ANO4: variants seen among roughly 807,000 people sequenced by gnomAD.
ANO4 encodes anoctamin 4, also known as anoctamin-4.
In ANO4, 69 loss-of-function variants were observed where a neutral mutation model predicts 141.9. The observed-to-expected ratio is 0.49, with a 90% CI of 0.40 to 0.59. ANO4 has a LOEUF of 0.59. Ranked by LOEUF, ANO4 falls within the 20% of genes least tolerant of loss-of-function variation. The pLI is 0.00. For synonymous variants in ANO4, 350 were observed against 394.3 expected (o/e 0.89, Z 1.33); for missense variants, 894 against 1,162.2 (o/e 0.77, Z 3.36).
At chr12:100,959,981 C>G (rs1311015025) in intron 5 of ANO4, among the ~76,000 whole-genome samples, 4 of 152,112 alleles carry the variant, frequency 2.6e-5, no homozygotes, top group Non-Finnish European at 5.9e-5. Flanking sequence ...GAGGAATGCT[C>G]TTTGCTGCGA....
intron 2 of ANO4, among the ~76,000 whole-genome samples, chr12:100,919,749 T>TATCTATC (rs2041541529): frequency 6.9e-6 from 1 of 144,530 alleles, no homozygotes; most frequent in African/African-American, 2.9e-5. Context: ...TCTATCTATC[T>TATCTATC]ATCTATCTAT....
chr12:100,909,323 A>C (rs776642429), intron 2 of ANO4, among the ~76,000 whole-genome samples: 36 of 152,216 alleles, frequency 2.4e-4, no homozygotes, highest in South Asian at 1.0e-3. Flanking sequence ...TTGGTTGGAC[A>C]GACAGTGCTG....
At chr12:100,887,704 T>C (rs2039906059) in intron 1 of ANO4, among the ~76,000 whole-genome samples, 1 of 152,218 alleles carries the variant, frequency 6.6e-6, no homozygotes, top group African/African-American at 2.4e-5. Flanking sequence ...GAGAAAGCTC[T>C]TGACAAATAT....
At chr12:100,941,737 ATAATGT>A (rs2042519828) in intron 4 of ANO4, among the ~76,000 whole-genome samples, 1 of 150,908 alleles carries the variant, frequency 6.6e-6, no homozygotes, top group Non-Finnish European at 1.5e-5. Flanking sequence ...GTTTTGCAAG[ATAATGT>A]TAATGTGTTT....
At chr12:101,012,834 G>T (rs1447386534) in intron 8 of ANO4, among the ~76,000 whole-genome samples, 2 of 152,144 alleles carry the variant, frequency 1.3e-5, no homozygotes, top group African/African-American at 4.8e-5. Flanking sequence ...GTCAGATTCA[G>T]GATAATATTT....
At chr12:100,926,106 T>C (rs1246828108) in intron 3 of ANO4, among the ~76,000 whole-genome samples, 1 of 152,124 alleles carries the variant, frequency 6.6e-6, no homozygotes, top group African/African-American at 2.4e-5. Context: ...TATTTAATTG[T>C]ATGTTCATCC....
At chr12:100,762,283 T>C (rs539649317) in intron 3 of ANO4, among the ~76,000 whole-genome samples, 1 of 152,280 alleles carries the variant, frequency 6.6e-6, no homozygotes, top group South Asian at 2.1e-4. Flanking sequence ...CCACCTTTTT[T>C]CCTGATAGAG....
chr12:100,852,979 A>G (rs1295579289), intron 1 of ANO4, among the ~76,000 whole-genome samples: 2 of 152,152 alleles, frequency 1.3e-5, no homozygotes, highest in Admixed American at 6.5e-5. Flanking sequence ...GAACAATTTA[A>G]TCATTCATGT....
chr12:100,952,893 A>G (rs1456524369), intron 5 of ANO4, among the ~76,000 whole-genome samples: 1 of 152,224 alleles, frequency 6.6e-6, no homozygotes, highest in African/African-American at 2.4e-5. Flanking sequence ...ATCTTGATTT[A>G]TTCAAAGGAT....
chr12:101,069,960 G>A (rs916331958), intron 14 of ANO4, among the ~76,000 whole-genome samples: 38 of 151,780 alleles, frequency 2.5e-4, no homozygotes, highest in African/African-American at 9.2e-4. Flanking sequence ...TTTGGCGTTT[G>A]TTTTTTTATA....
chr12:100,934,583 T>G (rs573877183), intron 3 of ANO4, among the ~76,000 whole-genome samples: 1 of 152,328 alleles, frequency 6.6e-6, no homozygotes, highest in East Asian at 1.9e-4. Context: ...GGCTCTTTTT[T>G]GGTTCCATAT....
At chr12:100,889,420 G>T (rs2039996987) in intron 1 of ANO4, among the ~76,000 whole-genome samples, 1 of 152,084 alleles carries the variant, frequency 6.6e-6, no homozygotes, top group Admixed American at 6.6e-5. Context: ...TGGGTCAAGT[G>T]GTATTTCTAG....
At chr12:101,083,869 A>G in intron 16 of ANO4, 51 bp downstream of exon 16, 7 of 1,442,960 alleles carry the variant, frequency 4.9e-6, no homozygotes, top group Non-Finnish European at 6.5e-6. Flanking sequence ...AACCTATAGC[A>G]TAATAACAGT....
intron 7 of ANO4, among the ~76,000 whole-genome samples, chr12:100,981,353 C>A (rs1320099342): frequency 2.0e-5 from 3 of 151,890 alleles, no homozygotes; most frequent in Non-Finnish European, 4.4e-5. Context: ...AAAACAAATT[C>A]ATGCCTCTGC....
intron 3 of ANO4, among the ~76,000 whole-genome samples, chr12:100,766,220 A>G (rs1476976022): frequency 1.3e-5 from 2 of 152,060 alleles, no homozygotes; most frequent in Admixed American, 6.6e-5. Flanking sequence ...TTAAAGCTAT[A>G]TAGTATTCTG....
intron 3 of ANO4, among the ~76,000 whole-genome samples, chr12:100,939,112 A>G (rs1384909478): frequency 6.6e-6 from 1 of 152,146 alleles, no homozygotes; most frequent in East Asian, 1.9e-4. Context: ...ATTTTCCTTA[A>G]TCTTGCCTAA....
chr12:101,029,441 G>T (rs2046876426), intron 9 of ANO4, among the ~76,000 whole-genome samples: 1 of 152,122 alleles, frequency 6.6e-6, no homozygotes, highest in Non-Finnish European at 1.5e-5. Flanking sequence ...CCCATCTCAT[G>T]TGCAAAGACC....
At chr12:101,022,237 C>T (rs1309826601) in intron 9 of ANO4, among the ~76,000 whole-genome samples, 3 of 152,172 alleles carry the variant, frequency 2.0e-5, no homozygotes, top group African/African-American at 7.2e-5. Context: ...TTTAGTTAAA[C>T]ACATTCCCAT....
intron 2 of ANO4, among the ~76,000 whole-genome samples, chr12:100,911,105 A>G (rs1177562311): frequency 6.6e-6 from 1 of 152,174 alleles, no homozygotes; most frequent in East Asian, 1.9e-4. Context: ...GCTACAATAT[A>G]TTAAGCCCTC....
Sources: gnomAD v4.1 joint callset for allele counts (sites outside exome capture counted in the v4.1 genomes callset) on GRCh38, gnomAD v4.1.1 for gene constraint, MANE v1.5 for transcripts, NCBI Gene and HGNC (gene_info 2026-07-23, HGNC 2026-07-21) for gene names.